The following RNF103 variants were observed in gnomAD, a reference collection of about 807,000 sequenced individuals.
RNF103 encodes the protein E3 ubiquitin-protein ligase RNF103.
Under a neutral mutation model 66.2 loss-of-function variants are expected in RNF103, and 23 were observed. That is an observed-to-expected ratio of 0.35 (90% CI 0.25 to 0.49). The LOEUF is 0.49. Ranked by LOEUF, RNF103 falls within the 20% of genes least tolerant of loss-of-function variation. RNF103 has a pLI of 0.98. For synonymous variants in RNF103, 297 were observed against 289.9 expected, an observed-to-expected ratio of 1.02 and a Z score of -0.25; for missense variants, 730 against 814.7, an observed-to-expected ratio of 0.90 and a Z score of 1.27.
At position 86,620,413 on chromosome 2, in the gene RNF103, A is replaced by T. The variant is rs1161349229; in HGVS notation, c.283T>A (p.Ser95Thr). The T allele has an allele frequency of 6.2e-7, 1 of 1,605,854 alleles. No individual in the cohort carries two copies. Among genetic ancestry groups the T allele is most frequent in the Non-Finnish European group, 8.5e-7 (1 of 1,173,936 alleles). ...CCACTGAAATTGGTACTAGAAACCGATTCGGATGCTTCTTCTTCCTTGAGA... is the reference window on the plus strand; with the variant it reads ...CCACTGAAATTGGTACTAGAAACCGTTTCGGATGCTTCTTCTTCCTTGAGA... ...SALKEEEASESVSSTNFSGEM... is the reference protein window; with the variant it reads ...SALKEEEASETVSSTNFSGEM... Residue 95 changes from serine (S) to threonine (T), a missense_variant, in exon 2 of 4, where the codon TCG becomes ACG. By Grantham distance (58) the Ser-to-Thr change is moderately conservative. Transcript: ENST00000237455.
In RNF103 at chr2:86,604,314, C is replaced by T. The variant is rs376695307; in HGVS notation, c.1587G>A (p.Ser529=). The T allele has an allele frequency of 7.5e-5, 121 of 1,614,202 alleles. No homozygotes were observed. The highest frequency in any genetic ancestry group is 5.0e-4 in the Middle Eastern group (3 of 6,060). ...CLGVQSEEEM[S]EGSQDTENDS... ...CATTTTCAGTATCTTGAGACCCCTC[C>T]GACATTTCCTCTTCAGACTGGACTC... Residue 529 remains serine (S), a synonymous_variant, in exon 4 of 4, where the codon TCG becomes TCA. Transcript: ENST00000237455.
In RNF103 at chr2:86,623,512, C is replaced by T. The variant is rs975870677; in HGVS notation, c.-626G>A. Reference sequence around the variant, plus strand: ...AAGCCCAGGCCCCAGGCCCCGCCGACCGCCCAGGCTCCGCGAGAAGAGCGG... The same window carrying T: ...AAGCCCAGGCCCCAGGCCCCGCCGATCGCCCAGGCTCCGCGAGAAGAGCGG... On this transcript the variant is annotated 5_prime_UTR_variant, in exon 1 of 4. Transcript: ENST00000237455. The T allele has an allele frequency of 3.5e-4, 349 of 983,762 alleles. 3 individuals carry two copies. Among genetic ancestry groups the T allele is most frequent in the Middle Eastern group, 5.2e-4 (1 of 1,934 alleles). 60.9% of individuals were successfully genotyped at this position (983,762 alleles called of 1,614,324 possible).
At chr2:86,617,080 C>T in intron 2 of RNF103, 1 of 985,304 alleles carries the variant, frequency 1.0e-6, no homozygotes, top group South Asian at 4.7e-5. Flanking sequence ...AAAAAGAGCA[C>T]TTGGTTCTAC....
chr2:86,604,764 C>G lies in RNF103; in HGVS notation c.1137G>C (p.Gln379His), dbSNP rs771790880. 3.1e-6 allele frequency: 5 copies of G among 1,613,966 alleles called. No individual in the cohort carries two copies. Among genetic ancestry groups the G allele is most frequent in the Non-Finnish European group, 4.2e-6 (5 of 1,179,998 alleles). ...ISWLPVLGFL[Q>H]LPYLDSFYEY... ...CATAAAAGCTATCTAAGTAAGGTAGCTGTAAAAAGCCCAACACAGGTAGCC... is the reference window on the plus strand; with the variant it reads ...CATAAAAGCTATCTAAGTAAGGTAGGTGTAAAAAGCCCAACACAGGTAGCC... Residue 379 changes from glutamine to histidine, a missense_variant, in exon 4 of 4, where the codon CAG becomes CAC. By Grantham distance (24) the Gln-to-His change is conservative (BLOSUM62 0). Transcript: ENST00000237455.
Position 86,622,978 on chromosome 2 carries a change from C to G in RNF103, c.-92G>C. On this transcript the variant is annotated 5_prime_UTR_variant, in exon 1 of 4. Transcript: ENST00000237455. ...GGCCGCGGCTCGGTGGCAGCTTGGG[C>G]GAGGGCCCCGTGTCCACGCGCGGGC... 6.9e-7 allele frequency: 1 copy of G among 1,452,178 alleles called. No individual in the cohort carries two copies. Among genetic ancestry groups the G allele is most frequent in the South Asian group, 1.4e-5 (1 of 70,694 alleles). The allele number at this position is 1,452,178 out of a possible 1,614,324, so 90.0% of individuals were successfully genotyped here.
chr2:86,612,171 G>T lies in RNF103; in HGVS notation c.470C>A (p.Ser157Tyr). The T allele has an allele frequency of 5.6e-6, 9 of 1,608,426 alleles. No individual in the cohort carries two copies. Among genetic ancestry groups the T allele is most frequent in the Non-Finnish European group, 7.6e-6 (9 of 1,177,452 alleles). The part of the protein sequence containing the change: ...FGIRTGTFNC[S>Y]SDPRYCRRRG... ...CTAATCAACTTACCTGGGATCACTG[G>T]AACAGTTAAATGTGCCTGTACGTAT... Residue 157 changes from serine (S) to tyrosine (Y), a missense_variant, in exon 3 of 4, where the codon TCC becomes TAC. Transcript: ENST00000237455.
chr2:86,623,454 C>A lies in RNF103; in HGVS notation c.-568G>T, dbSNP rs994481120. On this transcript the variant is annotated 5_prime_UTR_variant, in exon 1 of 4. Coordinates refer to ENST00000237455, the MANE Select transcript of RNF103 (RefSeq NM_005667.4). ...GGCCCGGGGCCCAGCGTGTTCTGCG[C>A]GGGGAGGAGCGGCCGCCGCAACGCC... 19 of 981,690 alleles carry A rather than the reference C, an allele frequency of 1.9e-5. No homozygotes were observed. The African/African-American group carries it at 3.2e-4, about 16-fold the overall frequency. The allele number at this position is 981,690 out of a possible 1,614,324, so 60.8% of individuals were successfully genotyped here.
intron 2 of RNF103, chr2:86,616,627 T>C (rs1679035158): frequency 1.0e-6 from 1 of 985,364 alleles, no homozygotes; most frequent in Non-Finnish European, 1.2e-6. Context: ...CTATTAACTC[T>C]TGTCAGCCAA....
intron 2 of RNF103, chr2:86,617,185 G>A (rs1247052274): frequency 8.1e-6 from 8 of 985,192 alleles, no homozygotes; most frequent in Non-Finnish European, 9.6e-6. Flanking sequence ...GAGACTATAC[G>A]TAACATGGAC....
intron 3 of RNF103, among the ~76,000 whole-genome samples, chr2:86,609,733 C>T (rs2104220295): frequency 6.6e-6 from 1 of 152,184 alleles, no homozygotes; most frequent in Non-Finnish European, 1.5e-5. Context: ...AGGAGCTAAA[C>T]AGGTCAGGAA....
At chr2:86,609,000 G>A (rs1180429690) in intron 3 of RNF103, among the ~76,000 whole-genome samples, 1 of 152,156 alleles carries the variant, frequency 6.6e-6, no homozygotes, top group Non-Finnish European at 1.5e-5. Context: ...TTTGGTTATG[G>A]TTTGTCTGTC....
At position 86,620,446 on chromosome 2, in the gene RNF103, A is replaced by G. The variant is rs1334824278; in HGVS notation, c.250T>C (p.Tyr84His). The G allele has an allele frequency of 6.3e-7, 1 of 1,596,772 alleles. No homozygotes were observed. Among genetic ancestry groups the G allele is most frequent in the Admixed American group, 1.7e-5 (1 of 59,766 alleles). ...GCTTCTTCTTCCTTGAGAGCAGAAT[A>G]GAGCTCACCCTCCATCAAGTCACCT... Reference protein sequence around the residue: ...KSGDLMEGELYSALKEEEASE... With the variant: ...KSGDLMEGELHSALKEEEASE... The change falls in exon 2 of 4, where the codon TAT (tyrosine) becomes CAT (histidine). Residue 84 changes from tyrosine (Y) to histidine (H), a missense_variant. Around this residue, in one of 3 missense-constraint regions of RNF103, gnomAD observed 327 missense variants for 369.8 expected, o/e 0.88. Coordinates refer to ENST00000237455, the MANE Select transcript of RNF103 (RefSeq NM_005667.4).
intron 3 of RNF103, 40 bp downstream of exon 3, chr2:86,612,119 G>T: frequency 8.4e-6 from 11 of 1,316,404 alleles, no homozygotes; most frequent in Non-Finnish European, 1.2e-5. Flanking sequence ...GAAAGATCCT[G>T]GTCAGGACTC....
In RNF103 at chr2:86,603,871, T is replaced by C. The variant is rs1382330488; in HGVS notation, c.2030A>G (p.Gln677Arg). 2.5e-6 allele frequency: 4 copies of C among 1,613,744 alleles called. No individual in the cohort carries two copies. The highest frequency in any genetic ancestry group is 1.3e-5 in the African/African-American group (1 of 74,918). Residue 677 changes from glutamine to arginine, a missense_variant, in exon 4 of 4, where the codon CAG becomes CGG. Around this residue, in one of 3 missense-constraint regions of RNF103, gnomAD observed 355 missense variants for 351.9 expected, o/e 1.01. Transcript: ENST00000237455. ...YKKKQPYAQH[Q>R]PLSNDVPS ...AGATGGGACATCATTTGACAAGGGCTGGTGTTGTGCATATGGCTGCTTTTT... is the reference window on the plus strand; with the variant it reads ...AGATGGGACATCATTTGACAAGGGCCGGTGTTGTGCATATGGCTGCTTTTT...
intron 2 of RNF103, chr2:86,617,516 GGTAT>G: frequency 2.0e-6 from 1 of 497,332 alleles, no homozygotes; most frequent in Non-Finnish European, 2.6e-6. Context: ...CTTTATCACA[GGTAT>G]GTATGTATAG....
At chr2:86,622,583 G>A (rs1254012603) in intron 1 of RNF103, 78 bp downstream of exon 1, 2 of 1,434,858 alleles carry the variant, frequency 1.4e-6, no homozygotes, top group African/African-American at 1.4e-5. Context: ...TCACTCTGGG[G>A]GAACAGCCAG....
intron 3 of RNF103, among the ~76,000 whole-genome samples, chr2:86,611,720 A>G (rs369805070): frequency 1.3e-5 from 2 of 152,194 alleles, no homozygotes; most frequent in Non-Finnish European, 2.9e-5. Context: ...GGAAAAGAAT[A>G]TATCTAGGGA....
At chr2:86,618,701 T>C (rs1379712812) in intron 2 of RNF103, 1 of 152,198 alleles carries the variant, frequency 6.6e-6, no homozygotes, top group Non-Finnish European at 1.5e-5. Flanking sequence ...ATTTAGACAC[T>C]GAAAGCAGGG....
intron 2 of RNF103, among the ~76,000 whole-genome samples, chr2:86,619,064 A>G (rs1679126796): frequency 6.6e-6 from 1 of 152,216 alleles, no homozygotes; most frequent in South Asian, 2.1e-4. Flanking sequence ...AATCTCTGGA[A>G]GAATTCCCAA....
Sources: gnomAD v4.1 joint callset for allele counts (sites outside exome capture counted in the v4.1 genomes callset) on GRCh38, gnomAD v4.1.1 for gene constraint, gnomAD v4.1.1 regional missense constraint, MANE v1.5 for transcripts, NCBI Gene and HGNC (gene_info 2026-07-23, HGNC 2026-07-21) for gene names.